Variants in OSBPL9 observed in about 807,000 individuals in gnomAD.
OSBPL9 encodes the protein oxysterol binding protein like 9, also known as oxysterol-binding protein-related protein 9.
In OSBPL9, 40 loss-of-function variants were observed where a neutral mutation model predicts 106.6. The observed-to-expected ratio is 0.38, with a 90% CI of 0.29 to 0.49. OSBPL9 has a LOEUF of 0.49. Ranked by LOEUF, OSBPL9 falls within the 20% of genes least tolerant of loss-of-function variation. The pLI is 0.97. For synonymous variants in OSBPL9, 269 were observed against 295.4 expected (o/e 0.91, Z 0.92); for missense variants, 609 against 887.2 (o/e 0.69, Z 3.98).
intron 3 of OSBPL9, among the ~76,000 whole-genome samples, chr1:51,694,390 G>C (rs533372453): frequency 1.3e-5 from 2 of 152,088 alleles, no homozygotes; most frequent in African/African-American, 4.8e-5. Context: ...TGAGTTGTTC[G>C]GATTGAAGTA....
At chr1:51,687,019 A>C (rs1186828431) in intron 3 of OSBPL9, among the ~76,000 whole-genome samples, 1 of 152,252 alleles carries the variant, frequency 6.6e-6, no homozygotes, top group Admixed American at 6.5e-5. Flanking sequence ...AATGCATATA[A>C]ATACTCAACA....
At position 51,602,419 on chromosome 1, in the gene OSBPL9, A is replaced by ATT. The variant is rs1357173060; in HGVS notation, c.-353+4246_-353+4247dup. Reference sequence around the variant, plus strand: ...CTCGTTCATGAAACATTTTTTTTTAATTTTTTTTTTTTTTTTTTTTTGAGA... The same window carrying ATT: ...CTCGTTCATGAAACATTTTTTTTTAATTTTTTTTTTTTTTTTTTTTTTTGAGA... On this transcript the variant is annotated intron_variant, in intron 2 of 25. Transcript: ENST00000371714. Among the ~76,000 whole-genome samples, 539 of 104,628 alleles carry ATT rather than the reference A, an allele frequency of 5.2e-3. 11 individuals carry two copies. The highest frequency in any genetic ancestry group is 0.015 in the African/African-American group (368 of 24,456). The allele number at this position is 104,628 out of a possible 152,430, so 68.6% of individuals were successfully genotyped here.
chr1:51,552,190 T>C, the OSBPL9 span, among the ~76,000 whole-genome samples: 3 of 152,172 alleles, frequency 2.0e-5, no homozygotes, highest in Admixed American at 6.5e-5. Context: ...CCTTATACTT[T>C]TCTTGTTGGT....
At chr1:51,556,339 A>T in the OSBPL9 span, among the ~76,000 whole-genome samples, 1 of 152,174 alleles carries the variant, frequency 6.6e-6, no homozygotes, top group Non-Finnish European at 1.5e-5. Flanking sequence ...AGTCAATTTC[A>T]TGGGAGTATT....
chr1:51,601,983 C>T (rs115873791), intron 2 of OSBPL9, among the ~76,000 whole-genome samples: 3 of 147,192 alleles, frequency 2.0e-5, no homozygotes, highest in Non-Finnish European at 4.5e-5. Flanking sequence ...CTGGCTGTCT[C>T]CCTCAGGCCA....
At chr1:51,743,143 A>G (rs1306939909) in intron 4 of OSBPL9, among the ~76,000 whole-genome samples, 3 of 152,222 alleles carry the variant, frequency 2.0e-5, no homozygotes, top group Admixed American at 6.5e-5. Context: ...TTCCTTTTAA[A>G]TACATGAAAA....
intron 7 of OSBPL9, among the ~76,000 whole-genome samples, chr1:51,749,753 G>A (rs1668826198): frequency 6.6e-6 from 1 of 151,030 alleles, no homozygotes; most frequent in African/African-American, 2.5e-5. Context: ...TGTAGTGCCA[G>A]CTACTCGGGA....
rs1031104275 is a variant in OSBPL9, at chr1:51,784,642, T to C, written c.1829+60T>C. The stretch of plus-strand genomic sequence containing the variant: ...TTTCTGAAATAACTGCCTTTTGTCT[T>C]GAACTACAGCTTCTGGATTAGGAGT... On this transcript the variant is annotated intron_variant, in intron 20 of 23. Transcript: ENST00000428468. The C allele has an allele frequency of 6.5e-6, 10 of 1,543,118 alleles. No individual in the cohort carries two copies. In the Admixed American group the frequency reaches 1.7e-4, roughly 27 times the overall value.
chr1:51,715,751 C>T (rs1046142117), intron 4 of OSBPL9, among the ~76,000 whole-genome samples: 2 of 152,210 alleles, frequency 1.3e-5, no homozygotes, highest in Admixed American at 1.3e-4. Flanking sequence ...CTATTGCTTA[C>T]TTGCTTTCCT....
At chr1:51,654,017 A>G (rs1246986707) in intron 2 of OSBPL9, among the ~76,000 whole-genome samples, 1 of 151,966 alleles carries the variant, frequency 6.6e-6, no homozygotes, top group Non-Finnish European at 1.5e-5. Flanking sequence ...CTGAAAAAAA[A>G]GAAAAAAAAA....
chr1:51,708,335 T>C (rs1340168239), intron 3 of OSBPL9, among the ~76,000 whole-genome samples: 1 of 151,794 alleles, frequency 6.6e-6, no homozygotes, highest in Non-Finnish European at 1.5e-5. Flanking sequence ...ATTTCAGTCC[T>C]TTGATATTTG....
chr1:51,668,658 T>C (rs868162356), intron 2 of OSBPL9, among the ~76,000 whole-genome samples: 1 of 152,124 alleles, frequency 6.6e-6, no homozygotes, highest in Admixed American at 6.6e-5. Context: ...AAAAAGTATT[T>C]TTTAAAAGGG....
intron 4 of OSBPL9, among the ~76,000 whole-genome samples, chr1:51,727,523 A>G (rs148623582): frequency 6.6e-6 from 1 of 152,358 alleles, no homozygotes; most frequent in African/African-American, 2.4e-5. Context: ...AATAACACAA[A>G]TAGAAAGCAG....
At chr1:51,616,983 AG>A (rs1279975030), upstream of OSBPL9, 2 of 1,484,686 alleles carry the variant, frequency 1.3e-6, no homozygotes, top group African/African-American at 2.8e-5. Context: ...TGATCGCTGG[AG>A]CATCTGCCGG....
At chr1:51,576,984 TG>T (rs1266861699), upstream of OSBPL9, among the ~76,000 whole-genome samples, 3 of 152,178 alleles carry the variant, frequency 2.0e-5, no homozygotes, top group Non-Finnish European at 4.4e-5. Flanking sequence ...TGGGGCATGG[TG>T]GGAGGTGTTT....
At chr1:51,668,417 T>C (rs1323021178) in intron 2 of OSBPL9, among the ~76,000 whole-genome samples, 1 of 152,080 alleles carries the variant, frequency 6.6e-6, no homozygotes, top group Non-Finnish European at 1.5e-5. Context: ...AGGTCAGAAG[T>C]TCGAGACCAG....
Position 51,729,829 on chromosome 1 carries a change from G to C in OSBPL9, c.319-15707G>C, listed in dbSNP as rs934396782. 3 of 1,245,022 alleles carry C rather than the reference G, an allele frequency of 2.4e-6. No individual in the cohort carries two copies. Among genetic ancestry groups the C allele is most frequent in the South Asian group, 8.3e-5 (2 of 24,060 alleles). The allele number at this position is 1,245,022 out of a possible 1,614,324, so 77.1% of individuals were successfully genotyped here. A position where few individuals can be genotyped will look rare whatever the true frequency, so the allele number is the denominator to read the frequency against. On this transcript the variant is annotated intron_variant, in intron 4 of 23. Transcript: ENST00000428468. The surrounding 1 kb of genome is among the most constrained non-coding windows in gnomAD (Gnocchi z 5.1). ...GGGTGGGGGGTGAAGGGGGTGAAGG[G>C]GGTGTCCCGGGGGACGGGCTGAACC...
intron 1 of OSBPL9, among the ~76,000 whole-genome samples, chr1:51,591,529 G>A (rs908062226): frequency 6.6e-6 from 1 of 152,162 alleles, no homozygotes; most frequent in African/African-American, 2.4e-5. Flanking sequence ...GTATCTTGCC[G>A]GGCACAGTGG....
the OSBPL9 span, among the ~76,000 whole-genome samples, chr1:51,538,928 C>T: frequency 3.9e-5 from 6 of 152,194 alleles, no homozygotes; most frequent in Non-Finnish European, 8.8e-5. Flanking sequence ...TTTACTCTCT[C>T]TTCGCAGGTC....
Sources: gnomAD v4.1 joint callset for allele counts (sites outside exome capture counted in the v4.1 genomes callset) on GRCh38, gnomAD v4.1.1 for gene constraint, Gnocchi (gnomAD v3.1) non-coding constraint, MANE v1.5 for transcripts, NCBI Gene and HGNC (gene_info 2026-07-23, HGNC 2026-07-21) for gene names.